APLP2: variants seen among roughly 807,000 people sequenced by gnomAD.
APLP2 encodes the protein amyloid beta precursor like protein 2.
In APLP2, 53 loss-of-function variants were observed where a neutral mutation model predicts 89.9. That is an observed-to-expected ratio of 0.59 (90% CI 0.47 to 0.74). The LOEUF (loss-of-function observed/expected upper bound fraction) is 0.74, where lower values mean the gene tolerates loss of function less well. Among genes scored for constraint, APLP2 ranks in the 30% least tolerant of loss-of-function variants. The probability of loss-of-function intolerance (pLI) is 0.00; values close to 1 mark genes in which losing one functional copy is unlikely to be tolerated. For synonymous variants in APLP2, 372 were observed against 348.6 expected (o/e 1.07, Z -0.75); for missense variants, 973 against 975.9 (o/e 1.00, Z 0.04).
chr11:130,091,476 G>C (rs1945165534), intron 1 of APLP2, among the ~76,000 whole-genome samples: 1 of 135,230 alleles, frequency 7.4e-6, no homozygotes, highest in African/African-American at 3.0e-5. Context: ...CAGACGGGGC[G>C]GCTGGCCGGG....
At chr11:130,137,711 C>T (rs1372509371) in intron 13 of APLP2, among the ~76,000 whole-genome samples, 3 of 151,648 alleles carry the variant, frequency 2.0e-5, no homozygotes, top group African/African-American at 7.3e-5. Context: ...CTCTGCAATT[C>T]CCATTTACAT....
intron 11 of APLP2, among the ~76,000 whole-genome samples, chr11:130,132,979 CTTT>C (rs60338624): frequency 1.4e-5 from 2 of 141,188 alleles, no homozygotes; most frequent in Non-Finnish European, 3.1e-5. Context: ...AATTAGAGTT[CTTT>C]TTTTTTTTTT....
chr11:130,075,243 G>C (rs1477972690), intron 1 of APLP2, among the ~76,000 whole-genome samples: 1 of 152,138 alleles, frequency 6.6e-6, no homozygotes, highest in Non-Finnish European at 1.5e-5. Context: ...TCAAACTCCT[G>C]GGCTCAAGTG....
chr11:130,073,503 ATG>A (rs1941520892), intron 1 of APLP2, among the ~76,000 whole-genome samples: 1 of 152,244 alleles, frequency 6.6e-6, no homozygotes, highest in African/African-American at 2.4e-5. Context: ...ACAATTTTGA[ATG>A]TGTTGATTTT....
At chr11:130,092,783 T>C (rs1328313898) in intron 1 of APLP2, among the ~76,000 whole-genome samples, 1 of 151,782 alleles carries the variant, frequency 6.6e-6, no homozygotes, top group Non-Finnish European at 1.5e-5. Context: ...AGTTAACGTA[T>C]GAATAAACTA....
Position 130,073,791 on chromosome 11 carries a change from C to T in APLP2, c.105+3709C>T, listed in dbSNP as rs1941597983. ...AGGTTACAGTGAGCCGAGATCACAC[C>T]ACTGCACTCCAGCCTGGGCAACAGA... On this transcript the variant is annotated intron_variant, in intron 1 of 16. Coordinates refer to ENST00000338167, the MANE Select transcript of APLP2 (RefSeq NM_001142276.2). Among the ~76,000 whole-genome samples, 4 of 152,164 alleles carry T rather than the reference C, an allele frequency of 2.6e-5. No homozygotes were observed. The South Asian group carries it at 8.3e-4, about 31-fold the overall frequency.
Position 130,129,185 on chromosome 11 carries a change from C to G in APLP2, c.1434C>G (p.Ala478=). The change falls in exon 10 of 17, where the codon GCC becomes GCG. Residue 478 remains alanine, a synonymous_variant. Transcript: ENST00000338167. ...TGGCTCTGGAGAACTACCTGGCTGC[C>G]TTGCAGTCTGACCCGCCACGGGTGA... The part of the protein sequence containing the change: ...RRMALENYLA[A]LQSDPPRPHR... The G allele has an allele frequency of 6.2e-7, 1 of 1,613,306 alleles. No homozygotes were observed. Among genetic ancestry groups the G allele is most frequent in the Non-Finnish European group, 8.5e-7 (1 of 1,179,472 alleles).
chr11:130,136,252 T>C (rs1171824263), intron 13 of APLP2, among the ~76,000 whole-genome samples: 1 of 152,170 alleles, frequency 6.6e-6, no homozygotes, highest in African/African-American at 2.4e-5. Context: ...ATAAACAAGT[T>C]GCTGAGACCA....
At chr11:130,113,130 C>G (rs1277511524) in intron 3 of APLP2, among the ~76,000 whole-genome samples, 2 of 152,218 alleles carry the variant, frequency 1.3e-5, no homozygotes, top group African/African-American at 4.8e-5. Context: ...ATGCTGTGAA[C>G]ACCTTGCCAG....
chr11:130,078,856 T>C (rs1210486764), intron 1 of APLP2, among the ~76,000 whole-genome samples: 1 of 152,052 alleles, frequency 6.6e-6, no homozygotes, highest in African/African-American at 2.4e-5. Context: ...TCTTAATTAT[T>C]ATATAATAAG....
chr11:130,109,649 G>A (rs187642725), intron 2 of APLP2, 47 bp downstream of exon 2: 3 of 1,562,898 alleles, frequency 1.9e-6, no homozygotes, highest in Non-Finnish European at 2.6e-6. Context: ...TCTGGGGCAG[G>A]GTTGAATCTG....
intron 3 of APLP2, among the ~76,000 whole-genome samples, chr11:130,112,421 T>C (rs181201029): frequency 0.063 from 9,585 of 152,186 alleles, 318 homozygotes; most frequent in Non-Finnish European, 0.073. Context: ...CAGGGCCCAC[T>C]GGGCACTAAG....
intron 1 of APLP2, among the ~76,000 whole-genome samples, chr11:130,074,132 T>C (rs1941674229): frequency 6.6e-6 from 1 of 152,228 alleles, no homozygotes; most frequent in South Asian, 2.1e-4. Context: ...TTGGATCTTA[T>C]CTGCTGTCGG....
intron 1 of APLP2, among the ~76,000 whole-genome samples, chr11:130,092,944 T>C (rs1454552147): frequency 6.6e-6 from 1 of 151,924 alleles, no homozygotes; most frequent in African/African-American, 2.4e-5. Flanking sequence ...ATCTGAGAGA[T>C]AGAAAGCACC....
chr11:130,116,527 C>T (rs919696809), intron 3 of APLP2, among the ~76,000 whole-genome samples: 2 of 151,970 alleles, frequency 1.3e-5, no homozygotes, highest in African/African-American at 4.8e-5. Context: ...TCGCCGTCAC[C>T]CAGGCTGGAG....
At chr11:130,091,520 A>G (rs9666330) in intron 1 of APLP2, among the ~76,000 whole-genome samples, 1,738 of 55,860 alleles carry the variant, frequency 0.031, no homozygotes, top group Middle Eastern at 0.074. Flanking sequence ...CCTCCCGGAC[A>G]GGGCGGCTGG....
intron 1 of APLP2, among the ~76,000 whole-genome samples, chr11:130,078,760 G>A (rs1291870586): frequency 6.6e-6 from 1 of 151,922 alleles, no homozygotes; most frequent in Non-Finnish European, 1.5e-5. Flanking sequence ...TTGTAATCAA[G>A]TATCTCCCTG....
At position 130,079,724 on chromosome 11, in the gene APLP2, AC is replaced by A. The variant is rs200592953; in HGVS notation, c.105+9643del. The stretch of plus-strand genomic sequence containing the variant: ...TATTTCTTTCCATTCAATCCTTGTA[AC>A]TTTTATTTCTTTTTCTTGCTTTGCT... On this transcript the variant is annotated intron_variant, in intron 1 of 16. Coordinates refer to ENST00000338167, the MANE Select transcript of APLP2 (RefSeq NM_001142276.2). Among the ~76,000 whole-genome samples, 882 of 152,214 alleles carry A rather than the reference AC, an allele frequency of 5.8e-3. 14 individuals are homozygous for A. Among genetic ancestry groups the A allele is most frequent in the African/African-American group, 0.019 (789 of 41,548 alleles).
intron 2 of APLP2, 79 bp downstream of exon 2, chr11:130,109,681 C>G: frequency 6.9e-7 from 1 of 1,443,678 alleles, no homozygotes. Context: ...AATAGATATT[C>G]TGTCATTCTC....
Sources: allele counts gnomAD v4.1 joint callset (sites outside exome capture counted in the v4.1 genomes callset), GRCh38; gene constraint gnomAD v4.1.1; transcripts MANE v1.5; gene names NCBI Gene and HGNC (gene_info 2026-07-23, HGNC 2026-07-21).